The following POU4F2 variants were observed in gnomAD, a reference collection of about 807,000 sequenced individuals.
POU4F2 encodes POU class 4 homeobox 2.
POU4F2 carries 10 observed loss-of-function variants against 21.5 expected under a neutral mutation model. The observed-to-expected ratio is 0.46, with a 90% confidence interval of 0.29 to 0.79. The LOEUF is 0.79. POU4F2 is among the 30% of genes least tolerant of loss of function. The pLI is 0.10. For missense variants in POU4F2, 623 were observed against 603.3 expected, an observed-to-expected ratio of 1.03 and a Z score of -0.34; for synonymous variants, 324 against 271.1, an observed-to-expected ratio of 1.20 and a Z score of -1.92.
rs560180778 is a variant in POU4F2, at chr4:146,641,191, G to C, written c.*383G>C. 13 of 168,934 alleles carry C rather than the reference G, an allele frequency of 7.7e-5. No homozygotes were observed. In the East Asian group the frequency reaches 2.2e-3, roughly 29 times the overall value. The allele number at this position is 168,934 out of a possible 1,614,324, so 10.5% of individuals were successfully genotyped here. A position where few individuals can be genotyped will look rare whatever the true frequency, so the allele number is the denominator to read the frequency against. ...TCTTACAGACATCACCCGTGTTCAAGTTTAAAAGTACACTTTGCAACTATT... is the reference window on the plus strand; with the variant it reads ...TCTTACAGACATCACCCGTGTTCAACTTTAAAAGTACACTTTGCAACTATT... On this transcript the variant is annotated 3_prime_UTR_variant, in exon 2 of 2. Coordinates refer to ENST00000281321, the MANE Select transcript of POU4F2 (RefSeq NM_004575.3).
chr4:146,639,393 G>A lies in POU4F2; in HGVS notation c.253G>A (p.Glu85Lys), dbSNP rs1255028715. The part of the protein sequence containing the change: ...SSGSSGGGGS[E>K]AMRRACLPTP... ...TGGCAGCAGCGGCGGCGGGGGCTCG[G>A]AGGCTATGCGGAGAGCCTGTCTTCC... Residue 85 changes from glutamate (E) to lysine (K), a missense_variant, in exon 1 of 2, where the codon GAG becomes AAG. Glu to Lys is a moderately conservative substitution (Grantham distance 56, BLOSUM62 1). This residue lies in a region of POU4F2 where 523 missense variants were observed against 504.1 expected (regional missense o/e 1.04). Transcript: ENST00000281321. 2 of 1,470,222 alleles carry A rather than the reference G, an allele frequency of 1.4e-6. No homozygotes were observed. The highest frequency in any genetic ancestry group is 1.8e-6 in the Non-Finnish European group (2 of 1,119,186). 91.1% of individuals were successfully genotyped at this position (1,470,222 alleles called of 1,614,324 possible).
rs763035040 is a variant in POU4F2, at chr4:146,640,422, G to A, written c.844G>A (p.Ala282Thr). The change falls in exon 2 of 2, where the codon GCG becomes ACG. Residue 282 changes from alanine (A) to threonine (T), a missense_variant. Ala to Thr is a moderately conservative substitution (Grantham distance 58). This residue lies in a region of POU4F2 where 523 missense variants were observed against 504.1 expected (regional missense o/e 1.04). Transcript: ENST00000281321. The surrounding 1 kb of genome is among the most constrained non-coding windows in gnomAD (Gnocchi z 4.8). Reference protein sequence around the residue: ...LGVTQADVGSALANLKIPGVG... With the variant: ...LGVTQADVGSTLANLKIPGVG... Reference sequence around the variant, plus strand: ...GGTGACCCAGGCAGATGTGGGCTCCGCGCTGGCCAACCTCAAGATCCCCGG... The same window carrying A: ...GGTGACCCAGGCAGATGTGGGCTCCACGCTGGCCAACCTCAAGATCCCCGG... 2 of 1,612,274 alleles carry A rather than the reference G, an allele frequency of 1.2e-6. No individual in the cohort carries two copies. Among genetic ancestry groups the A allele is most frequent in the South Asian group, 1.1e-5 (1 of 91,072 alleles).
rs1202378727 is a variant in POU4F2, at chr4:146,639,376, G to A, written c.236G>A (p.Ser79Asn). The A allele has an allele frequency of 3.4e-6, 5 of 1,473,924 alleles. No homozygotes were observed. Among genetic ancestry groups the A allele is most frequent in the South Asian group, 1.5e-5 (1 of 67,472 alleles). The allele number at this position is 1,473,924 out of a possible 1,614,324, so 91.3% of individuals were successfully genotyped here. A position where few individuals can be genotyped will look rare whatever the true frequency, so the allele number is the denominator to read the frequency against. ...AGCAGCTCCAGCAGCAGTGGCAGCA[G>A]CGGCGGCGGGGGCTCGGAGGCTATG... is the stretch of plus-strand genomic sequence containing the variant. ...RSSSSSSSGS[S>N]GGGGSEAMRR... The change falls in exon 1 of 2, where the codon AGC (serine) becomes AAC (asparagine). Residue 79 changes from serine (S) to asparagine (N), a missense_variant. By Grantham distance (46) the Ser-to-Asn change is conservative (BLOSUM62 1). Around this residue, in one of 3 missense-constraint regions of POU4F2, gnomAD observed 523 missense variants for 504.1 expected, o/e 1.04. Transcript: ENST00000281321.
At position 146,640,094 on chromosome 4, in the gene POU4F2, C is replaced by T. The variant is rs369535679; in HGVS notation, c.516C>T (p.His172=). ...CTTCCGCGTTGGCGGGCACGCACCA[C>T]CACCACCACCATCACCACCACCACC... The part of the protein sequence containing the change: ...SHPSALAGTH[H]HHHHHHHHHH... Residue 172 remains histidine (H), a synonymous_variant, in exon 2 of 2, where the codon CAC becomes CAT. Transcript: ENST00000281321. The surrounding 1 kb of genome is among the most constrained non-coding windows in gnomAD (Gnocchi z 4.8). 4 of 1,603,194 alleles carry T rather than the reference C, an allele frequency of 2.5e-6. No homozygotes were observed. The African/African-American group carries it at 5.3e-5, about 21-fold the overall frequency.
rs758672868 is a variant in POU4F2 at position 146,640,269 on chromosome 4, G to T, written c.691G>T (p.Ala231Ser). 2 of 1,571,084 alleles carry T rather than the reference G, an allele frequency of 1.3e-6. No homozygotes were observed. Among genetic ancestry groups the T allele is most frequent in the Non-Finnish European group, 8.6e-7 (1 of 1,162,584 alleles). The part of the protein sequence containing the change: ...HMATMNPMHQ[A>S]ALSMAHAHGL... ...GGCCACCATGAACCCCATGCACCAA[G>T]CAGCGCTCAGCATGGCCCACGCGCA... The change falls in exon 2 of 2, where the codon GCA becomes TCA. Residue 231 changes from alanine (A) to serine (S), a missense_variant. Transcript: ENST00000281321. This position sits in a 1 kb window ranked among gnomAD's most constrained non-coding sequence, Gnocchi z 4.8.
Position 146,640,421 on chromosome 4 carries a change from C to T in POU4F2, c.843C>T (p.Ser281=), listed in dbSNP as rs770276185. 20 of 1,612,028 alleles carry T rather than the reference C, an allele frequency of 1.2e-5. No individual in the cohort carries two copies. The highest frequency in any genetic ancestry group is 6.7e-5 in the East Asian group (3 of 44,888). The part of the protein sequence containing the change: ...KLGVTQADVG[S]ALANLKIPGV... ...GGGTGACCCAGGCAGATGTGGGCTC[C>T]GCGCTGGCCAACCTCAAGATCCCCG... Residue 281 remains serine (S), a synonymous_variant, in exon 2 of 2, where the codon TCC becomes TCT. Transcript: ENST00000281321. This position sits in a 1 kb window ranked among gnomAD's most constrained non-coding sequence, Gnocchi z 4.8.
Position 146,640,295 on chromosome 4 carries a change from C to G in POU4F2, c.717C>G (p.His239Gln), listed in dbSNP as rs373594627. 59 of 1,562,974 alleles carry G rather than the reference C, an allele frequency of 3.8e-5. No homozygotes were observed. In the African/African-American group the frequency reaches 5.4e-4, roughly 14 times the overall value. The change falls in exon 2 of 2, where the codon CAC becomes CAG. Residue 239 changes from histidine to glutamine, a missense_variant. By Grantham distance (24) the His-to-Gln change is conservative. Coordinates refer to ENST00000281321, the MANE Select transcript of POU4F2 (RefSeq NM_004575.3). The surrounding 1 kb of genome is among the most constrained non-coding windows in gnomAD (Gnocchi z 4.8). The part of the protein sequence containing the change: ...HQAALSMAHA[H>Q]GLPSHMGCMS... ...CAGCGCTCAGCATGGCCCACGCGCA[C>G]GGGCTGCCGTCGCACATGGGCTGCA...
Position 146,640,260 on chromosome 4 carries a change from A to C in POU4F2, c.682A>C (p.Met228Leu). The change falls in exon 2 of 2, where the codon ATG (methionine) becomes CTG (leucine). Residue 228 changes from methionine (M) to leucine (L), a missense_variant. Physicochemically the swap from Met to Leu is conservative, Grantham distance 15 (BLOSUM62 2). Coordinates refer to ENST00000281321, the MANE Select transcript of POU4F2 (RefSeq NM_004575.3). This position sits in a 1 kb window ranked among gnomAD's most constrained non-coding sequence, Gnocchi z 4.8. ...HAPHMATMNP[M>L]HQAALSMAHA... is the part of the protein sequence containing the mutation. ...GCCGCACATGGCCACCATGAACCCC[A>C]TGCACCAAGCAGCGCTCAGCATGGC... The C allele has an allele frequency of 6.3e-7, 1 of 1,578,402 alleles. No homozygotes were observed. Among genetic ancestry groups the C allele is most frequent in the Non-Finnish European group, 8.6e-7 (1 of 1,166,642 alleles).
At position 146,640,680 on chromosome 4, in the gene POU4F2, C is replaced by A. The variant is rs1309618509; in HGVS notation, c.1102C>A (p.Pro368Thr). Reference protein sequence around the residue: ...RSLEAYFAIQPRPSSEKIAAI... With the variant: ...RSLEAYFAIQTRPSSEKIAAI... ...GCTCGAAGCCTACTTTGCCATTCAGCCTCGGCCCTCCTCTGAAAAGATCGC... is the reference window on the plus strand; with the variant it reads ...GCTCGAAGCCTACTTTGCCATTCAGACTCGGCCCTCCTCTGAAAAGATCGC... The change falls in exon 2 of 2, where the codon CCT becomes ACT. Residue 368 changes from proline (P) to threonine (T), a missense_variant. Around this residue, in one of 3 missense-constraint regions of POU4F2, gnomAD observed 523 missense variants for 504.1 expected, o/e 1.04. Transcript: ENST00000281321. This position sits in a 1 kb window ranked among gnomAD's most constrained non-coding sequence, Gnocchi z 4.8. 2 of 1,614,134 alleles carry A rather than the reference C, an allele frequency of 1.2e-6. No homozygotes were observed. Among genetic ancestry groups the A allele is most frequent in the Non-Finnish European group, 1.7e-6 (2 of 1,180,062 alleles).
At position 146,639,004 on chromosome 4, in the gene POU4F2, G is replaced by T. The variant is rs372544942; in HGVS notation, c.-137G>T. Reference sequence around the variant, plus strand: ...AGCCGAGATCAGGCGTACAGAGTCCGGAGGCGGCGGCGGGTGAGCTCAACT... The same window carrying T: ...AGCCGAGATCAGGCGTACAGAGTCCTGAGGCGGCGGCGGGTGAGCTCAACT... On this transcript the variant is annotated 5_prime_UTR_variant, in exon 1 of 2. Transcript: ENST00000281321. 376 of 1,126,026 alleles carry T rather than the reference G, an allele frequency of 3.3e-4. 2 individuals carry two copies. In the East Asian group the frequency reaches 6.7e-3, roughly 20 times the overall value. 69.8% of individuals were successfully genotyped at this position (1,126,026 alleles called of 1,614,324 possible).
intron 1 of POU4F2, among the ~76,000 whole-genome samples, 171 bp downstream of exon 1, chr4:146,639,599 A>T (rs1399499476): frequency 6.6e-6 from 1 of 151,242 alleles, no homozygotes; most frequent in African/African-American, 2.4e-5. Context: ...AATTTTTATG[A>T]CCTGGGATGT....
chr4:146,639,266 C>T lies in POU4F2; in HGVS notation c.126C>T (p.Pro42=), dbSNP rs2149968002. The change falls in exon 1 of 2, where the codon CCC becomes CCT. Residue 42 remains proline (P), a synonymous_variant. Transcript: ENST00000281321. ...TSPGSSAPIA[P]SASSPSSSSN... is the part of the protein sequence containing the mutation. ...CGGGCTCCTCGGCTCCCATCGCGCC[C>T]TCGGCCAGCTCCCCCAGCAGCTCGA... is the stretch of plus-strand genomic sequence containing the variant. 1 of 1,572,822 alleles carries T rather than the reference C, an allele frequency of 6.4e-7. No homozygotes were observed. The highest frequency in any genetic ancestry group is 1.2e-5 in the South Asian group (1 of 86,316).
Position 146,640,262 on chromosome 4 carries a change from G to T in POU4F2, c.684G>T (p.Met228Ile). The part of the protein sequence containing the change: ...HAPHMATMNP[M>I]HQAALSMAHA... ...CGCACATGGCCACCATGAACCCCAT[G>T]CACCAAGCAGCGCTCAGCATGGCCC... The change falls in exon 2 of 2, where the codon ATG (methionine) becomes ATT (isoleucine). Residue 228 changes from methionine to isoleucine, a missense_variant. Around this residue, in one of 3 missense-constraint regions of POU4F2, gnomAD observed 523 missense variants for 504.1 expected, o/e 1.04. Transcript: ENST00000281321. This position sits in a 1 kb window ranked among gnomAD's most constrained non-coding sequence, Gnocchi z 4.8. The T allele has an allele frequency of 6.3e-7, 1 of 1,575,348 alleles. No individual in the cohort carries two copies. The highest frequency in any genetic ancestry group is 1.2e-5 in the South Asian group (1 of 85,036).
chr4:146,639,221 G>T lies in POU4F2; in HGVS notation c.81G>T (p.Ser27=), dbSNP rs993606057. ...GCCTGCACGTGGAGCCCAAGTACTC[G>T]GCACTGCACAGCACCTCGCCGGGCT... ...GGSLHVEPKY[S]ALHSTSPGSS... The change falls in exon 1 of 2, where the codon TCG becomes TCT. Residue 27 remains serine (S), a synonymous_variant. Transcript: ENST00000281321. 2 of 1,603,426 alleles carry T rather than the reference G, an allele frequency of 1.2e-6. No homozygotes were observed. Among genetic ancestry groups the T allele is most frequent in the East Asian group, 2.3e-5 (1 of 43,494 alleles).
In POU4F2 at chr4:146,641,289, C is replaced by T. The variant is rs1409402448; in HGVS notation, c.*481C>T. 6.5e-6 allele frequency: 1 copy of T among 153,010 alleles called. No homozygotes were observed. Among genetic ancestry groups the T allele is most frequent in the East Asian group, 1.9e-4 (1 of 5,206 alleles). 9.5% of individuals were successfully genotyped at this position (153,010 alleles called of 1,614,324 possible). ...GATGCTTAATGTGATAGAGACATCT[C>T]TAAAGTATTTTGAATTTTAAAAAAA... On this transcript the variant is annotated 3_prime_UTR_variant, in exon 2 of 2. Transcript: ENST00000281321.
Position 146,639,332 on chromosome 4 carries a change from C to CGGG in POU4F2, c.194_195insGGG (p.Gly68dup), listed in dbSNP as rs1553998603. 1.5e-6 allele frequency: 2 copies of CGGG among 1,349,554 alleles called. No homozygotes were observed. Among genetic ancestry groups the CGGG allele is most frequent in the Admixed American group, 2.8e-5 (1 of 36,196 alleles). 83.6% of individuals were successfully genotyped at this position (1,349,554 alleles called of 1,614,324 possible). A position where few individuals can be genotyped will look rare whatever the true frequency, so the allele number is the denominator to read the frequency against. On this transcript the variant is annotated inframe_insertion, in exon 1 of 2. Coordinates refer to ENST00000281321, the MANE Select transcript of POU4F2 (RefSeq NM_004575.3). ...GCGGCGGCGGCGGCGGCGGCGGCGGCGGCGGCGGAGGCCGAAGCAGCAGCT... is the reference window on the plus strand; with the variant it reads ...GCGGCGGCGGCGGCGGCGGCGGCGGCGGGGGCGGCGGAGGCCGAAGCAGCAGCT...
In POU4F2 at chr4:146,639,225, C is replaced by G; in HGVS notation, c.85C>G (p.Leu29Val). The change falls in exon 1 of 2, where the codon CTG becomes GTG. Residue 29 changes from leucine to valine, a missense_variant. Physicochemically the swap from Leu to Val is conservative, Grantham distance 32. Coordinates refer to ENST00000281321, the MANE Select transcript of POU4F2 (RefSeq NM_004575.3). ...GCACGTGGAGCCCAAGTACTCGGCA[C>G]TGCACAGCACCTCGCCGGGCTCCTC... ...SLHVEPKYSA[L>V]HSTSPGSSAP... The G allele has an allele frequency of 6.3e-7, 1 of 1,598,106 alleles. No homozygotes were observed. Among genetic ancestry groups the G allele is most frequent in the Non-Finnish European group, 8.5e-7 (1 of 1,173,856 alleles).
At position 146,640,297 on chromosome 4, in the gene POU4F2, G is replaced by T. The variant is rs768833334; in HGVS notation, c.719G>T (p.Gly240Val). ...QAALSMAHAH[G>V]LPSHMGCMSD... ...GCGCTCAGCATGGCCCACGCGCACG[G>T]GCTGCCGTCGCACATGGGCTGCATG... The change falls in exon 2 of 2, where the codon GGG (glycine) becomes GTG (valine). Residue 240 changes from glycine (G) to valine (V), a missense_variant. Around this residue, in one of 3 missense-constraint regions of POU4F2, gnomAD observed 523 missense variants for 504.1 expected, o/e 1.04. Transcript: ENST00000281321. The surrounding 1 kb of genome is among the most constrained non-coding windows in gnomAD (Gnocchi z 4.8). 2 of 1,563,184 alleles carry T rather than the reference G, an allele frequency of 1.3e-6. No homozygotes were observed. The highest frequency in any genetic ancestry group is 2.4e-5 in the South Asian group (2 of 82,970).
rs1740812131 is a variant in POU4F2, at chr4:146,639,035, C to G, written c.-106C>G. 3.6e-6 allele frequency: 5 copies of G among 1,372,708 alleles called. No homozygotes were observed. Among genetic ancestry groups the G allele is most frequent in the Non-Finnish European group, 2.9e-6 (3 of 1,030,736 alleles). 85.0% of individuals were successfully genotyped at this position (1,372,708 alleles called of 1,614,324 possible). ...GGCGGCGGGTGAGCTCAACTTCGCA[C>G]AGCCCTTCCCAGCTCCAGCCCCGGC... On this transcript the variant is annotated 5_prime_UTR_variant, in exon 1 of 2. Transcript: ENST00000281321.
Sources: gnomAD v4.1 joint callset for allele counts (sites outside exome capture counted in the v4.1 genomes callset) on GRCh38, gnomAD v4.1.1 for gene constraint, gnomAD v4.1.1 regional missense constraint, Gnocchi (gnomAD v3.1) non-coding constraint, MANE v1.5 for transcripts, NCBI Gene and HGNC (gene_info 2026-07-23, HGNC 2026-07-21) for gene names.